FBLN7: variants seen among roughly 807,000 people sequenced by gnomAD.
FBLN7 encodes fibulin-7.
FBLN7 carries 31 observed loss-of-function variants against 44.0 expected under a neutral mutation model. The ratio of observed to expected loss-of-function variants is 0.70; its 90% confidence interval spans 0.53 to 0.95. The LOEUF (loss-of-function observed/expected upper bound fraction) is 0.95. Ranked by LOEUF, FBLN7 falls within the 40% of genes least tolerant of loss-of-function variation. FBLN7 has a pLI of 0.00. For synonymous variants in FBLN7, 262 were observed against 253.4 expected, an observed-to-expected ratio of 1.03 and a Z score of -0.32; for missense variants, 573 against 618.5, an observed-to-expected ratio of 0.93 and a Z score of 0.78.
At chr2:112,236,790 T>A in the FBLN7 span, 1 of 1,122,382 alleles carries the variant, frequency 8.9e-7, no homozygotes, top group Non-Finnish European at 1.3e-6. Flanking sequence ...CTCATGTCTG[T>A]AATCCCAGCT....
At chr2:112,159,880 G>A (rs1231161001) in intron 2 of FBLN7, 45 bp downstream of exon 2, 4 of 1,456,288 alleles carry the variant, frequency 2.7e-6, no homozygotes, top group Non-Finnish European at 3.6e-6. Flanking sequence ...CGCAGCACTC[G>A]AGCACTCTCC....
chr2:112,223,073 C>A, the FBLN7 span, among the ~76,000 whole-genome samples: 2 of 151,372 alleles, frequency 1.3e-5, no homozygotes, highest in African/African-American at 4.9e-5. Context: ...AACATTTGGA[C>A]ACAGGGTGGG....
Position 112,138,420 on chromosome 2 carries a change from G to A in FBLN7, c.-236G>A. 4.4e-6 allele frequency: 1 copy of A among 228,128 alleles called. No individual in the cohort carries two copies. Among genetic ancestry groups the A allele is most frequent in the Non-Finnish European group, 8.1e-6 (1 of 122,770 alleles). 14.1% of individuals were successfully genotyped at this position (228,128 alleles called of 1,614,324 possible). A position where few individuals can be genotyped will look rare whatever the true frequency, so the allele number is the denominator to read the frequency against. On this transcript the variant is annotated 5_prime_UTR_variant, in exon 1 of 8. Coordinates refer to ENST00000331203, the MANE Select transcript of FBLN7 (RefSeq NM_153214.3). Reference sequence around the variant, plus strand: ...GGGCCGGCGCCTCCCCGCCTCGCGCGGACTGTCTCGTGCGGGCAGCTGCGG... The same window carrying A: ...GGGCCGGCGCCTCCCCGCCTCGCGCAGACTGTCTCGTGCGGGCAGCTGCGG...
At chr2:112,175,531 C>G (rs1412706069) in intron 3 of FBLN7, among the ~76,000 whole-genome samples, 183 bp from the exon 4 acceptor site, 1 of 152,242 alleles carries the variant, frequency 6.6e-6, no homozygotes, top group Non-Finnish European at 1.5e-5. Flanking sequence ...GGCTGCATAT[C>G]AGCCCCATCG....
chr2:112,155,652 G>A (rs143808367), intron 1 of FBLN7, among the ~76,000 whole-genome samples: 5 of 152,298 alleles, frequency 3.3e-5, no homozygotes, highest in East Asian at 1.9e-4. Flanking sequence ...AGGTTTTTCC[G>A]TGGTAACTGG....
rs1162285666 is a variant in FBLN7, at chr2:112,138,520, C to A, written c.-136C>A. On this transcript the variant is annotated 5_prime_UTR_variant, in exon 1 of 8. Transcript: ENST00000331203. ...GCGCTGCGCTCGGGGCCTCCCGCCT[C>A]CCCCCCTGCCCCAGCCGCCCCCCGG... 6.0e-6 allele frequency: 7 copies of A among 1,158,246 alleles called. No individual in the cohort carries two copies. Among genetic ancestry groups the A allele is most frequent in the Non-Finnish European group, 8.2e-6 (7 of 858,356 alleles). The allele number at this position is 1,158,246 out of a possible 1,614,324, so 71.7% of individuals were successfully genotyped here. A position where few individuals can be genotyped will look rare whatever the true frequency, so the allele number is the denominator to read the frequency against.
intron 3 of FBLN7, among the ~76,000 whole-genome samples, chr2:112,167,028 G>C (rs573620589): frequency 6.6e-6 from 1 of 152,192 alleles, no homozygotes; most frequent in Non-Finnish European, 1.5e-5. Context: ...CTTCAGGCTC[G>C]CTTTGAACTG....
the FBLN7 span, among the ~76,000 whole-genome samples, chr2:112,227,658 TA>T: frequency 6.6e-6 from 1 of 152,130 alleles, no homozygotes; most frequent in Non-Finnish European, 1.5e-5. Flanking sequence ...ATAACAGAAA[TA>T]AATTCTATTT....
At chr2:112,147,660 G>T (rs1043513692) in intron 1 of FBLN7, among the ~76,000 whole-genome samples, 1 of 152,108 alleles carries the variant, frequency 6.6e-6, no homozygotes, top group Admixed American at 6.6e-5. Flanking sequence ...CAGGGGCTTT[G>T]GGAGAGAGTC....
chr2:112,214,357 C>G, the FBLN7 span: 1 of 152,022 alleles, frequency 6.6e-6, no homozygotes, highest in Admixed American at 6.6e-5. Flanking sequence ...TAAAGACGGT[C>G]AAGGATAAAT....
chr2:112,206,740 T>G, the FBLN7 span, among the ~76,000 whole-genome samples: 1 of 151,110 alleles, frequency 6.6e-6, no homozygotes, highest in Non-Finnish European at 1.5e-5. Flanking sequence ...ACTGTTTTTT[T>G]TTTTTTTTTT....
rs1359195623 is a variant in FBLN7 at position 112,181,811 on chromosome 2, C to T, written c.605C>T (p.Ala202Val). ...RAPRCAQVERAQHCSCEAGFH... is the reference protein window; with the variant it reads ...RAPRCAQVERVQHCSCEAGFH... Reference sequence around the variant, plus strand: ...CCGCGCTGTGCGCAGGTGGAGCGGGCTCAGCACTGCAGCTGCGAGGCCGGA... The same window carrying T: ...CCGCGCTGTGCGCAGGTGGAGCGGGTTCAGCACTGCAGCTGCGAGGCCGGA... The change falls in exon 5 of 8, where the codon GCT becomes GTT. Residue 202 changes from alanine (A) to valine (V), a missense_variant. Transcript: ENST00000331203. 2.0e-6 allele frequency: 3 copies of T among 1,510,710 alleles called. No individual in the cohort carries two copies. Among genetic ancestry groups the T allele is most frequent in the Non-Finnish European group, 2.6e-6 (3 of 1,136,412 alleles). 93.6% of individuals were successfully genotyped at this position (1,510,710 alleles called of 1,614,324 possible).
intron 2 of FBLN7, among the ~76,000 whole-genome samples, chr2:112,163,318 G>T (rs891133135): frequency 6.6e-6 from 1 of 152,222 alleles, no homozygotes; most frequent in African/African-American, 2.4e-5. Context: ...CCTCATGGGG[G>T]ATGCTCAGTG....
At chr2:112,183,570 A>G (rs1386736940) in intron 6 of FBLN7, among the ~76,000 whole-genome samples, 1 of 152,202 alleles carries the variant, frequency 6.6e-6, no homozygotes, top group Non-Finnish European at 1.5e-5. Context: ...ACATCCAGGC[A>G]GGTCAGGACT....
downstream of FBLN7, among the ~76,000 whole-genome samples, chr2:112,192,539 A>G (rs1473231307): frequency 6.6e-6 from 1 of 152,224 alleles, no homozygotes. Flanking sequence ...AGGATTCTGG[A>G]TGGGTTTTAA....
At chr2:112,172,946 T>C (rs1386081997) in intron 3 of FBLN7, among the ~76,000 whole-genome samples, 2 of 152,288 alleles carry the variant, frequency 1.3e-5, no homozygotes, top group East Asian at 3.9e-4. Context: ...AAGTTCGTCT[T>C]TTCAATAGGA....
chr2:112,242,186 A>T, the FBLN7 span, among the ~76,000 whole-genome samples: 1 of 152,206 alleles, frequency 6.6e-6, no homozygotes, highest in Admixed American at 6.5e-5. Flanking sequence ...GTGAACTACA[A>T]CCCAAGGGCA....
intron 3 of FBLN7, among the ~76,000 whole-genome samples, chr2:112,169,597 CTTCATTCT>C (rs960045595): frequency 1.3e-5 from 2 of 151,798 alleles, no homozygotes; most frequent in African/African-American, 4.8e-5. Flanking sequence ...TATTTTTAAC[CTTCATTCT>C]TTCATTCAGC....
At chr2:112,164,588 C>T (rs1333678036) in intron 2 of FBLN7, among the ~76,000 whole-genome samples, 2 of 152,170 alleles carry the variant, frequency 1.3e-5, no homozygotes. Flanking sequence ...ACATTCCAGG[C>T]AGAGAGAAGA....
Sources: allele counts gnomAD v4.1 joint callset (sites outside exome capture counted in the v4.1 genomes callset), GRCh38; gene constraint gnomAD v4.1.1; transcripts MANE v1.5; gene names NCBI Gene and HGNC (gene_info 2026-07-23, HGNC 2026-07-21).